Variants in LYST observed in about 807,000 individuals in gnomAD.
The protein encoded by LYST is lysosomal trafficking regulator.
Under a neutral mutation model 413.6 loss-of-function variants are expected in LYST, and 192 were observed. That is an observed-to-expected ratio of 0.46 (90% CI 0.41 to 0.52). LYST has a LOEUF of 0.52. Among genes scored for constraint, LYST ranks in the 20% least tolerant of loss-of-function variants. The pLI, the probability that LYST is intolerant of heterozygous loss-of-function variation, is 0.00. For synonymous variants in LYST, 1,525 were observed against 1,567.3 expected (o/e 0.97, Z 0.64); for missense variants, 3,815 against 4,499.9 (o/e 0.85, Z 4.35).
chr1:235,671,624 G>A (rs1658949590), intron 50 of LYST, among the ~76,000 whole-genome samples: 1 of 152,108 alleles, frequency 6.6e-6, no homozygotes, highest in Admixed American at 6.6e-5. Flanking sequence ...AAGCATTCTG[G>A]ACAAAGGTAA....
chr1:235,767,109 A>G (rs1301994570), intron 20 of LYST, among the ~76,000 whole-genome samples: 1 of 152,108 alleles, frequency 6.6e-6, no homozygotes, highest in Non-Finnish European at 1.5e-5. Flanking sequence ...CAAAATGCCA[A>G]CTAATTACTA....
chr1:235,720,761 C>G lies in LYST; in HGVS notation c.9460G>C (p.Gly3154Arg), dbSNP rs1320740201. 1 of 1,613,888 alleles carries G rather than the reference C, an allele frequency of 6.2e-7. No individual in the cohort carries two copies. Among genetic ancestry groups the G allele is most frequent in the African/African-American group, 1.3e-5 (1 of 74,870 alleles). Residue 3154 changes from glycine to arginine, a missense_variant, in exon 40 of 53, where the codon GGC becomes CGC. Gly to Arg is a moderately radical substitution (Grantham distance 125, BLOSUM62 -2). This residue lies in a region of LYST where 866 missense variants were observed against 1,156.0 expected (regional missense o/e 0.75). Transcript: ENST00000389793. ...EYLTHLNKHA[G>R]RSFNDLMQYP... ...TGCATGAGATCATTGAAGGATCGGC[C>G]AGCATGTTTGTTTAAGTGAGTCAAA...
At chr1:235,755,874 G>C (rs2103332963) in intron 24 of LYST, among the ~76,000 whole-genome samples, 1 of 152,204 alleles carries the variant, frequency 6.6e-6, no homozygotes, top group East Asian at 1.9e-4. Flanking sequence ...TTCTCTCATG[G>C]GGAAACTGGC....
chr1:235,720,374 A>T (rs1177593375), intron 40 of LYST, among the ~76,000 whole-genome samples: 2 of 152,066 alleles, frequency 1.3e-5, no homozygotes, highest in Admixed American at 6.6e-5. Flanking sequence ...ATGTGATAAT[A>T]GCACTGTGGT....
rs776013285 is a variant in LYST, at chr1:235,733,705, A to C, written c.8613-14T>G. On this transcript the variant is annotated splice_polypyrimidine_tract_variant and intron_variant, in intron 33 of 52. Coordinates refer to ENST00000389793, the MANE Select transcript of LYST (RefSeq NM_000081.4). ...CGCTGAAAGAGACTAAACAAATAAT[A>C]AGATTGTCCATAGTTAAGCATACAT... 1.9e-6 allele frequency: 3 copies of C among 1,602,106 alleles called. No individual in the cohort carries two copies. The highest frequency in any genetic ancestry group is 2.6e-6 in the Non-Finnish European group (3 of 1,169,156).
Position 235,664,713 on chromosome 1 carries a change from T to G in LYST, c.11039-92A>C. On this transcript the variant is annotated intron_variant, in intron 50 of 52. Coordinates refer to ENST00000389793, the MANE Select transcript of LYST (RefSeq NM_000081.4). This position sits in a 1 kb window ranked among gnomAD's most constrained non-coding sequence, Gnocchi z 4.5. ...AGAAGGGCAACCCTGAAGGGCAAGC[T>G]CATTTGTTTATTGATGAAGTTTGTA... 8.9e-7 allele frequency: 1 copy of G among 1,117,594 alleles called. No individual in the cohort carries two copies. The highest frequency in any genetic ancestry group is 1.4e-6 in the Non-Finnish European group (1 of 738,998). The allele number at this position is 1,117,594 out of a possible 1,614,324, so 69.2% of individuals were successfully genotyped here.
Position 235,759,124 on chromosome 1 carries a change from A to G in LYST, c.6729T>C (p.Ile2243=). The change falls in exon 23 of 53, where the codon ATT becomes ATC. Residue 2243 remains isoleucine, a synonymous_variant. Coordinates refer to ENST00000389793, the MANE Select transcript of LYST (RefSeq NM_000081.4). ...LASFQRSHST[I]ASLGLAFPSQ... ...AAGGAAAAGCTAGCCCAAGGCTTGC[A>G]ATAGTGCTGTGGCTTCGCTGGAAGG... is the stretch of plus-strand genomic sequence containing the variant. The G allele has an allele frequency of 6.2e-7, 1 of 1,614,216 alleles. No individual in the cohort carries two copies. Among genetic ancestry groups the G allele is most frequent in the Non-Finnish European group, 8.5e-7 (1 of 1,180,034 alleles).
intron 1 of LYST, among the ~76,000 whole-genome samples, chr1:235,852,658 G>A (rs1678675419): frequency 6.6e-6 from 1 of 152,106 alleles, no homozygotes; most frequent in South Asian, 2.1e-4. Flanking sequence ...CTAATACTGA[G>A]GTAAGTGACA....
At position 235,858,745 on chromosome 1, in the gene LYST, C is replaced by T. The variant is rs141072743; in HGVS notation, c.-98+8098G>A. Among the ~76,000 whole-genome samples, 462 of 152,278 alleles carry T rather than the reference C, an allele frequency of 3.0e-3. 1 individual carries two copies. The highest frequency in any genetic ancestry group is 4.2e-3 in the Non-Finnish European group (289 of 68,024). ...CCCCTACTCAAGTTTTCCATCACAT[C>T]TTCCCTTCCAATCTCAATCCAGGTT... On this transcript the variant is annotated intron_variant, in intron 1 of 52. Coordinates refer to ENST00000389793, the MANE Select transcript of LYST (RefSeq NM_000081.4).
At chr1:235,757,497 G>A (rs749990074) in intron 23 of LYST, 39 bp from the exon 24 acceptor site, 6 of 1,480,116 alleles carry the variant, frequency 4.1e-6, no homozygotes, top group Non-Finnish European at 5.7e-6. Context: ...AACATGACAA[G>A]AAAAGTACTT....
At chr1:235,785,626 T>G (rs1021590190) in intron 14 of LYST, among the ~76,000 whole-genome samples, 5 of 152,188 alleles carry the variant, frequency 3.3e-5, no homozygotes, top group African/African-American at 1.2e-4. Context: ...AGTATTATAT[T>G]CCCTTTGATT....
At chr1:235,703,117 A>G (rs1406952796) in intron 44 of LYST, 140 bp from the exon 45 acceptor site, 6 of 682,326 alleles carry the variant, frequency 8.8e-6, no homozygotes, top group Non-Finnish European at 1.6e-5. Flanking sequence ...ACAATCACTC[A>G]TGGTCTCACT....
chr1:235,689,620 G>A (rs879689386), intron 47 of LYST, among the ~76,000 whole-genome samples: 1 of 152,154 alleles, frequency 6.6e-6, no homozygotes, highest in Admixed American at 6.5e-5. Context: ...TTGTATTCTT[G>A]AAATTTGCTA....
At chr1:235,774,195 G>C (rs933216253) in intron 18 of LYST, among the ~76,000 whole-genome samples, 5 of 152,150 alleles carry the variant, frequency 3.3e-5, no homozygotes, top group Admixed American at 2.0e-4. Context: ...ATATTTTTAA[G>C]TGAGTACTCA....
At position 235,720,819 on chromosome 1, in the gene LYST, T is replaced by C. The variant is rs1357807342; in HGVS notation, c.9402A>G (p.Leu3134=). The part of the protein sequence containing the change: ...EYGNITALTN[L]WYTGQITNFE... ...AATTAGTAATTTGCCCAGTATACCA[T>C]AAATTTGTCAGAGCGGTGATGTTAC... Residue 3134 remains leucine (L), a synonymous_variant, in exon 40 of 53, where the codon TTA becomes TTG. Transcript: ENST00000389793. The C allele has an allele frequency of 1.9e-6, 3 of 1,614,046 alleles. No homozygotes were observed. The highest frequency in any genetic ancestry group is 2.5e-6 in the Non-Finnish European group (3 of 1,179,964).
At chr1:235,874,579 T>C (rs911197643) in intron 1 of LYST, among the ~76,000 whole-genome samples, 3 of 152,220 alleles carry the variant, frequency 2.0e-5, no homozygotes, top group Non-Finnish European at 4.4e-5. Flanking sequence ...TAAGATAAAT[T>C]TTTTAAAATA....
chr1:235,877,790 G>A (rs2103240524), intron 1 of LYST, among the ~76,000 whole-genome samples: 1 of 149,544 alleles, frequency 6.7e-6, no homozygotes, highest in East Asian at 2.0e-4. Flanking sequence ...ATGTAGCCCA[G>A]GTGGGTCATC....
rs557545474 is a variant in LYST at position 235,775,088 on chromosome 1, TAA to T, written c.5461-4_5461-3del. ...TTCACAGCTACTGAGTTCAACAACC[TAA>T]AAAAAAAAATGGGTGGATATAGTTT... On this transcript the variant is annotated splice_region_variant and splice_polypyrimidine_tract_variant and intron_variant, in intron 17 of 52. Transcript: ENST00000389793. 2.4e-5 allele frequency: 30 copies of T among 1,262,848 alleles called. No individual in the cohort carries two copies. The highest frequency in any genetic ancestry group is 2.8e-5 in the South Asian group (2 of 71,394). 78.2% of individuals were successfully genotyped at this position (1,262,848 alleles called of 1,614,324 possible).
chr1:235,662,620 G>A lies in LYST; in HGVS notation c.*320C>T. The A allele has an allele frequency of 2.8e-6, 1 of 361,956 alleles. No homozygotes were observed. Among genetic ancestry groups the A allele is most frequent in the South Asian group, 2.5e-5 (1 of 40,572 alleles). 22.4% of individuals were successfully genotyped at this position (361,956 alleles called of 1,614,324 possible). A position where few individuals can be genotyped will look rare whatever the true frequency, so the allele number is the denominator to read the frequency against. On this transcript the variant is annotated 3_prime_UTR_variant, in exon 53 of 53. Transcript: ENST00000389793. ...GGTCCTTTTGGAATCATAGAAAAAG[G>A]GGAGACCTTAATATTTTCTTTGGAA... is the stretch of plus-strand genomic sequence containing the variant.
Sources: allele counts gnomAD v4.1 joint callset (sites outside exome capture counted in the v4.1 genomes callset), GRCh38; gene constraint gnomAD v4.1.1; regional missense constraint gnomAD v4.1.1; non-coding constraint Gnocchi (gnomAD v3.1); transcripts MANE v1.5; gene names NCBI Gene and HGNC (gene_info 2026-07-23, HGNC 2026-07-21).